Variants in TMEM38A observed in about 807,000 individuals in gnomAD.
The protein encoded by TMEM38A is trimeric intracellular cation channel type A.
Under a neutral mutation model 28.6 loss-of-function variants are expected in TMEM38A, and 17 were observed. The observed-to-expected ratio is 0.60, with a 90% CI of 0.41 to 0.89. The LOEUF (loss-of-function observed/expected upper bound fraction) is 0.89. Ranked by LOEUF, TMEM38A falls within the 40% of genes least tolerant of loss-of-function variation. TMEM38A has a pLI of 0.00. For missense variants in TMEM38A, 328 were observed against 393.1 expected, an observed-to-expected ratio of 0.83 and a Z score of 1.40; for synonymous variants, 169 against 166.1, an observed-to-expected ratio of 1.02 and a Z score of -0.14.
chr19:16,679,174 A>AG (rs2086766635), intron 1 of TMEM38A, among the ~76,000 whole-genome samples: 1 of 125,024 alleles, frequency 8.0e-6, no homozygotes, highest in African/African-American at 5.0e-5. Context: ...GTTAAAAAAA[A>AG]AAAAAAAAAA....
At chr19:16,679,577 G>A (rs1445586232) in intron 1 of TMEM38A, among the ~76,000 whole-genome samples, 1 of 152,062 alleles carries the variant, frequency 6.6e-6, no homozygotes, top group Admixed American at 6.6e-5. Flanking sequence ...ACAGGTGTGA[G>A]CCACCATGCC....
Position 16,679,897 on chromosome 19 carries a change from G to A in TMEM38A, c.125-87G>A. 4 of 1,436,066 alleles carry A rather than the reference G, an allele frequency of 2.8e-6. No individual in the cohort carries two copies. In the South Asian group the frequency reaches 5.7e-5, roughly 20 times the overall value. 89.0% of individuals were successfully genotyped at this position (1,436,066 alleles called of 1,614,324 possible). ...TGCACAGTGTTGGGTGGGCGCTCTGGATTAGGATAGGCTGACCAGAGCATA... is the reference window on the plus strand; with the variant it reads ...TGCACAGTGTTGGGTGGGCGCTCTGAATTAGGATAGGCTGACCAGAGCATA... On this transcript the variant is annotated intron_variant, in intron 1 of 5. Transcript: ENST00000187762.
chr19:16,674,158 G>A lies in TMEM38A; in HGVS notation c.125-5826G>A, dbSNP rs748314922. Among the ~76,000 whole-genome samples, 46 of 151,982 alleles carry A rather than the reference G, an allele frequency of 3.0e-4. 1 individual carries two copies. Among genetic ancestry groups the A allele is most frequent in the Non-Finnish European group, 6.2e-4 (42 of 67,976 alleles). On this transcript the variant is annotated intron_variant, in intron 1 of 5. Transcript: ENST00000187762. The stretch of plus-strand genomic sequence containing the variant: ...CCAGCACTTTGGGAGGCCAAGGTGG[G>A]TGGATCACCTGAGGTCAGGAGTTCG...
intron 1 of TMEM38A, among the ~76,000 whole-genome samples, chr19:16,672,449 T>A (rs955272850): frequency 3.5e-5 from 5 of 143,286 alleles, no homozygotes; most frequent in Non-Finnish European, 7.5e-5. Context: ...AAACCTCATT[T>A]TTTTTTTTTT....
chr19:16,688,448 C>A lies in TMEM38A; in HGVS notation c.*77C>A. 1 of 1,195,004 alleles carries A rather than the reference C, an allele frequency of 8.4e-7. No homozygotes were observed. Among genetic ancestry groups the A allele is most frequent in the Non-Finnish European group, 1.1e-6 (1 of 907,308 alleles). 74.0% of individuals were successfully genotyped at this position (1,195,004 alleles called of 1,614,324 possible). On this transcript the variant is annotated 3_prime_UTR_variant, in exon 6 of 6. Coordinates refer to ENST00000187762, the MANE Select transcript of TMEM38A (RefSeq NM_024074.4). ...GCTGGGAGGCTTCCTGCGCTCAGAT[C>A]TATCCTTTCCTGGCCTTGACTTCCC...
At chr19:16,673,905 CAGTG>C (rs2086738255) in intron 1 of TMEM38A, among the ~76,000 whole-genome samples, 1 of 147,820 alleles carries the variant, frequency 6.8e-6, no homozygotes, top group African/African-American at 2.5e-5. Context: ...CTGGGCCACA[CAGTG>C]AGATCCTATC....
At chr19:16,676,780 A>C (rs1298369474) in intron 1 of TMEM38A, among the ~76,000 whole-genome samples, 1 of 98,794 alleles carries the variant, frequency 1.0e-5, no homozygotes, top group Non-Finnish European at 1.8e-5. Context: ...TTTTTTTGAG[A>C]GGTAGTCTCG....
chr19:16,672,609 CG>C (rs1184184220), intron 1 of TMEM38A, among the ~76,000 whole-genome samples: 1 of 151,844 alleles, frequency 6.6e-6, no homozygotes, highest in African/African-American at 2.4e-5. Context: ...CCACCACGCC[CG>C]GCTACTTTTT....
rs1425907600 is a variant in TMEM38A at position 16,661,304 on chromosome 19, C to T, written c.87C>T (p.Tyr29=). ...TCTTCCCCGTCTTCGACCTCAGTTACTTCATCGTCTCCATCCTCTACCTCA... is the reference window on the plus strand; with the variant it reads ...TCTTCCCCGTCTTCGACCTCAGTTATTTCATCGTCTCCATCCTCTACCTCA... The part of the protein sequence containing the change: ...VPLFPVFDLS[Y]FIVSILYLKY... The change falls in exon 1 of 6, where the codon TAC becomes TAT. Residue 29 remains tyrosine, a synonymous_variant. Coordinates refer to ENST00000187762, the MANE Select transcript of TMEM38A (RefSeq NM_024074.4). This position sits in a 1 kb window ranked among gnomAD's most constrained non-coding sequence, Gnocchi z 6.5. 1.9e-6 allele frequency: 3 copies of T among 1,598,870 alleles called. No individual in the cohort carries two copies. Among genetic ancestry groups the T allele is most frequent in the Middle Eastern group, 1.7e-4 (1 of 6,030 alleles).
intron 1 of TMEM38A, among the ~76,000 whole-genome samples, chr19:16,674,821 A>C (rs970798223): frequency 6.6e-6 from 1 of 151,848 alleles, no homozygotes; most frequent in African/African-American, 2.4e-5. Context: ...AACAACAAAA[A>C]AAAACCAGGA....
chr19:16,673,299 C>T (rs1216085303), intron 1 of TMEM38A, among the ~76,000 whole-genome samples: 1 of 152,142 alleles, frequency 6.6e-6, no homozygotes, highest in Admixed American at 6.6e-5. Context: ...CCAGGCTGGT[C>T]TCAAACTCCT....
intron 1 of TMEM38A, among the ~76,000 whole-genome samples, chr19:16,667,092 A>G (rs2086706530): frequency 6.6e-6 from 1 of 151,938 alleles, no homozygotes. Context: ...AACATGGCGA[A>G]ACCCTGTCTC....
chr19:16,670,638 C>T (rs2086723161), intron 1 of TMEM38A, among the ~76,000 whole-genome samples: 1 of 152,068 alleles, frequency 6.6e-6, no homozygotes, highest in Non-Finnish European at 1.5e-5. Context: ...CCAAGATGAG[C>T]ATCGAAAGTC....
intron 1 of TMEM38A, among the ~76,000 whole-genome samples, chr19:16,679,123 T>G (rs1321470315): frequency 6.8e-6 from 1 of 146,912 alleles, no homozygotes; most frequent in Non-Finnish European, 1.5e-5. Flanking sequence ...CACTCCAGCC[T>G]GGGTGACAGA....
rs2086800938 is a variant in TMEM38A, at chr19:16,686,171, A to G, written c.555-117A>G. 5.8e-6 allele frequency: 4 copies of G among 693,188 alleles called. No individual in the cohort carries two copies. In the Admixed American group the frequency reaches 1.1e-4, roughly 19 times the overall value. The allele number at this position is 693,188 out of a possible 1,614,324, so 42.9% of individuals were successfully genotyped here. Reference sequence around the variant, plus strand: ...GAGTGAGATTCCATCTCAAAAGGAAAAGAAAAGAGAGAAGCTGGGATGGGA... The same window carrying G: ...GAGTGAGATTCCATCTCAAAAGGAAGAGAAAAGAGAGAAGCTGGGATGGGA... On this transcript the variant is annotated intron_variant, in intron 4 of 5. Coordinates refer to ENST00000187762, the MANE Select transcript of TMEM38A (RefSeq NM_024074.4).
At chr19:16,682,924 A>G (rs1025609449) in intron 4 of TMEM38A, among the ~76,000 whole-genome samples, 1 of 152,168 alleles carries the variant, frequency 6.6e-6, no homozygotes, top group Non-Finnish European at 1.5e-5. Flanking sequence ...GCCAGGTGAC[A>G]GCATCCAAGA....
In TMEM38A at chr19:16,661,424, C is replaced by T; in HGVS notation, c.124+83C>T. 2 of 1,254,216 alleles carry T rather than the reference C, an allele frequency of 1.6e-6. No individual in the cohort carries two copies. The highest frequency in any genetic ancestry group is 1.1e-6 in the Non-Finnish European group (1 of 931,336). 77.7% of individuals were successfully genotyped at this position (1,254,216 alleles called of 1,614,324 possible). On this transcript the variant is annotated intron_variant, in intron 1 of 5. Transcript: ENST00000187762. The surrounding 1 kb of genome is among the most constrained non-coding windows in gnomAD (Gnocchi z 6.5). Reference sequence around the variant, plus strand: ...CTCGGGGGTCGCAGAGAGGGGAAGCCCGTGCGTGGTGGAGGGAGCGAGGGA... The same window carrying T: ...CTCGGGGGTCGCAGAGAGGGGAAGCTCGTGCGTGGTGGAGGGAGCGAGGGA...
chr19:16,672,159 C>T (rs1418792752), intron 1 of TMEM38A, among the ~76,000 whole-genome samples: 1 of 152,070 alleles, frequency 6.6e-6, no homozygotes, highest in Admixed American at 6.6e-5. Flanking sequence ...GAGGGAAAAG[C>T]TCATTCCAGT....
At chr19:16,672,730 G>A (rs2086733262) in intron 1 of TMEM38A, among the ~76,000 whole-genome samples, 1 of 152,084 alleles carries the variant, frequency 6.6e-6, no homozygotes, top group African/African-American at 2.4e-5. Context: ...GATTACAGGT[G>A]TGAGCCACTG....
Sources: gnomAD v4.1 joint callset for allele counts (sites outside exome capture counted in the v4.1 genomes callset) on GRCh38, gnomAD v4.1.1 for gene constraint, Gnocchi (gnomAD v3.1) non-coding constraint, MANE v1.5 for transcripts, NCBI Gene and HGNC (gene_info 2026-07-23, HGNC 2026-07-21) for gene names.